Variants in ANKRD30A observed in about 807,000 individuals in gnomAD.
The protein encoded by ANKRD30A is ankyrin repeat domain-containing protein 30A.
In ANKRD30A, 170 loss-of-function variants were observed where a neutral mutation model predicts 166.3. The observed-to-expected ratio is 1.02, with a 90% CI of 0.90 to 1.16. ANKRD30A has a LOEUF of 1.16. Among genes scored for constraint, ANKRD30A ranks in the 50% most tolerant of loss-of-function variants. The pLI is 0.00. For missense variants in ANKRD30A, 1,630 were observed against 1,518.0 expected (o/e 1.07, Z -1.23); for synonymous variants, 564 against 508.9 (o/e 1.11, Z -1.46).
chr10:37,152,207 C>T lies in ANKRD30A; in HGVS notation c.1707+86C>T, dbSNP rs1445042907. ...CAGAGGCTTAGGCTTTATTTTCTCGCCTCTTCATATGTCACCCCGAAATTA... is the reference window on the plus strand; with the variant it reads ...CAGAGGCTTAGGCTTTATTTTCTCGTCTCTTCATATGTCACCCCGAAATTA... On this transcript the variant is annotated intron_variant, in intron 12 of 35. Transcript: ENST00000361713. 1.7e-5 allele frequency: 19 copies of T among 1,147,832 alleles called. No homozygotes were observed. The Admixed American group carries it at 2.3e-4, about 14-fold the overall frequency. 71.1% of individuals were successfully genotyped at this position (1,147,832 alleles called of 1,614,324 possible).
At chr10:37,198,560 CA>C (rs1173812775) in intron 29 of ANKRD30A, among the ~76,000 whole-genome samples, 3 of 151,754 alleles carry the variant, frequency 2.0e-5, no homozygotes, top group Non-Finnish European at 4.4e-5. Flanking sequence ...TGCATTCCAC[CA>C]AGAATTTGAA....
intron 32 of ANKRD30A, 144 bp from the exon 33 acceptor site, chr10:37,217,551 T>C (rs1038870171): frequency 2.0e-5 from 11 of 536,900 alleles, no homozygotes; most frequent in African/African-American, 4.0e-5. Context: ...TTTGGAGTAA[T>C]AAATAGCTGA....
chr10:37,198,374 A>G (rs534570032), intron 29 of ANKRD30A, among the ~76,000 whole-genome samples: 142 of 152,276 alleles, frequency 9.3e-4, no homozygotes, highest in African/African-American at 3.3e-3. Flanking sequence ...GGTTATTTAT[A>G]AAATTCCATT....
At chr10:37,178,048 A>G (rs553870066) in intron 24 of ANKRD30A, among the ~76,000 whole-genome samples, 17 of 151,282 alleles carry the variant, frequency 1.1e-4, no homozygotes, top group Non-Finnish European at 2.2e-4. Context: ...AGACTGAGAA[A>G]GACAGAGCGT....
At chr10:37,149,032 A>G (rs1837714026) in intron 9 of ANKRD30A, among the ~76,000 whole-genome samples, 1 of 152,038 alleles carries the variant, frequency 6.6e-6, no homozygotes, top group African/African-American at 2.4e-5. Context: ...CTTATTATAG[A>G]TTATTTCCAT....
At chr10:37,127,166 G>GT (rs1213366582) in intron 1 of ANKRD30A, among the ~76,000 whole-genome samples, 1 of 149,162 alleles carries the variant, frequency 6.7e-6, no homozygotes, top group Non-Finnish European at 1.5e-5. Flanking sequence ...CCAAATATAT[G>GT]TAAGAATTTA....
the ANKRD30A span, among the ~76,000 whole-genome samples, chr10:37,238,167 A>G: frequency 2.0e-5 from 3 of 152,058 alleles, no homozygotes; most frequent in African/African-American, 7.2e-5. Context: ...CTCTCTGAGC[A>G]TTCACATCTG....
chr10:37,151,737 GT>G (rs944715374), intron 11 of ANKRD30A, among the ~76,000 whole-genome samples: 1 of 152,062 alleles, frequency 6.6e-6, no homozygotes, highest in Non-Finnish European at 1.5e-5. Context: ...GGTAATTAAA[GT>G]TTTCTGAATG....
At chr10:37,131,174 T>TCTC (rs112762924) in intron 3 of ANKRD30A, among the ~76,000 whole-genome samples, 142,857 of 152,042 alleles carry the variant, frequency 0.94, 67,144 homozygotes, top group East Asian at 1. Context: ...ATTATATCCT[T>TCTC]CTCAGAATTG....
At chr10:37,226,948 A>G (rs1280240858) in intron 34 of ANKRD30A, among the ~76,000 whole-genome samples, 1 of 151,906 alleles carries the variant, frequency 6.6e-6, no homozygotes, top group Non-Finnish European at 1.5e-5. Context: ...CATGCATCTT[A>G]GCCATGTGTA....
intron 34 of ANKRD30A, among the ~76,000 whole-genome samples, chr10:37,227,575 A>G (rs912573974): frequency 2.0e-5 from 3 of 152,016 alleles, no homozygotes; most frequent in Admixed American, 6.6e-5. Flanking sequence ...ATTATCATAC[A>G]TGATAAAAGT....
chr10:37,217,814 A>G lies in ANKRD30A; in HGVS notation c.3203A>G (p.Gln1068Arg). The stretch of plus-strand genomic sequence containing the variant: ...AGGAAAGAGTTAGAAGTGAAACAAC[A>G]ACTTGAACAGGCTCTCAGAATACAA... ...QHRKELEVKQ[Q>R]LEQALRIQDI... is the part of the protein sequence containing the mutation. Residue 1068 changes from glutamine to arginine, a missense_variant, in exon 33 of 36, where the codon CAA (glutamine) becomes CGA (arginine). Physicochemically the swap from Gln to Arg is conservative, Grantham distance 43. Transcript: ENST00000361713. The G allele has an allele frequency of 6.2e-7, 1 of 1,601,404 alleles. No individual in the cohort carries two copies. The highest frequency in any genetic ancestry group is 8.5e-7 in the Non-Finnish European group (1 of 1,173,176).
chr10:37,179,145 T>G (rs1323667104), intron 24 of ANKRD30A, among the ~76,000 whole-genome samples: 1 of 150,534 alleles, frequency 6.6e-6, no homozygotes, highest in Non-Finnish European at 1.5e-5. Context: ...GCTTTATTTT[T>G]AAGGAAGCAA....
At position 37,125,723 on chromosome 10, in the gene ANKRD30A, TG is replaced by T. The variant is rs1423458752; in HGVS notation, c.-59del. 5.9e-5 allele frequency: 24 copies of T among 404,256 alleles called. No homozygotes were observed. Among genetic ancestry groups the T allele is most frequent in the Admixed American group, 1.5e-4 (3 of 19,566 alleles). 25.0% of individuals were successfully genotyped at this position (404,256 alleles called of 1,614,324 possible). ...AAGGGCGAGGGCGATTGGGGAGGGG[TG>T]GGGGGTGGTGGCTGGGAAGGGCGAT... On this transcript the variant is annotated 5_prime_UTR_variant, in exon 1 of 36. Transcript: ENST00000361713.
At chr10:37,151,952 AC>A in intron 11 of ANKRD30A, 107 bp from the exon 12 acceptor site, 1 of 974,200 alleles carries the variant, frequency 1.0e-6, no homozygotes, top group Non-Finnish European at 1.5e-6. Flanking sequence ...TATACGGGCC[AC>A]AGAGGAAAAA....
At chr10:37,140,533 T>C (rs1360652643) in intron 6 of ANKRD30A, among the ~76,000 whole-genome samples, 1 of 152,198 alleles carries the variant, frequency 6.6e-6, no homozygotes, top group African/African-American at 2.4e-5. Flanking sequence ...TATTATCAAC[T>C]TCATTTCCTC....
intron 29 of ANKRD30A, among the ~76,000 whole-genome samples, chr10:37,197,939 G>A (rs1274482733): frequency 2.6e-5 from 4 of 151,896 alleles, no homozygotes; most frequent in Non-Finnish European, 5.9e-5. Flanking sequence ...ACTCGGATTA[G>A]TGAACTCTGT....
At chr10:37,200,469 G>A (rs1337457600) in intron 30 of ANKRD30A, among the ~76,000 whole-genome samples, 2 of 152,018 alleles carry the variant, frequency 1.3e-5, no homozygotes, top group South Asian at 2.1e-4. Context: ...TCACAACGGC[G>A]GAAAGACATA....
chr10:37,249,176 G>A, the ANKRD30A span, among the ~76,000 whole-genome samples: 1 of 152,152 alleles, frequency 6.6e-6, no homozygotes, highest in East Asian at 1.9e-4. Flanking sequence ...ACCCTTCACA[G>A]CTGCTTTCTT....
Sources: allele counts gnomAD v4.1 joint callset (sites outside exome capture counted in the v4.1 genomes callset), GRCh38; gene constraint gnomAD v4.1.1; transcripts MANE v1.5; gene names NCBI Gene and HGNC (gene_info 2026-07-23, HGNC 2026-07-21).